Variants in PDS5A observed in about 807,000 individuals in gnomAD.
PDS5A encodes the protein PDS5 cohesin associated factor A.
In PDS5A, 42 loss-of-function variants were observed where a neutral mutation model predicts 167.1. The observed-to-expected ratio is 0.25, with a 90% confidence interval of 0.20 to 0.33. The LOEUF (loss-of-function observed/expected upper bound fraction) is 0.33. PDS5A is among the 10% of genes least tolerant of loss of function. PDS5A has a pLI of 1.00. For missense variants in PDS5A, 1,033 were observed against 1,605.9 expected, an observed-to-expected ratio of 0.64 and a Z score of 6.10; for synonymous variants, 553 against 554.6, an observed-to-expected ratio of 1.00 and a Z score of 0.04.
In PDS5A at chr4:39,841,899, T is replaced by C. The variant is rs562545139; in HGVS notation, c.3657+49A>G. ...AGATTTCTTATCCCTACGGAAAAAC[T>C]GTAATAATCTCCATGGAAAAAATCC... On this transcript the variant is annotated intron_variant, in intron 31 of 32. Transcript: ENST00000303538. 4 of 996,396 alleles carry C rather than the reference T, an allele frequency of 4.0e-6. No homozygotes were observed. In the African/African-American group the frequency reaches 4.8e-5, roughly 12 times the overall value. 61.7% of individuals were successfully genotyped at this position (996,396 alleles called of 1,614,324 possible).
In PDS5A at chr4:39,873,127, C is replaced by T. The variant is rs761492379; in HGVS notation, c.2295G>A (p.Leu765=). Residue 765 remains leucine, a synonymous_variant, in exon 21 of 33, where the codon CTG becomes CTA. Transcript: ENST00000303538. ...TAAGTTGTTCTGGCACATCAGCATT[C>T]AGACTCCTACTGAGTGGCTATAAAA... The part of the protein sequence containing the change: ...AQIFEPLSRS[L]NADVPEQLIT... 1.3e-6 allele frequency: 2 copies of T among 1,512,260 alleles called. No homozygotes were observed. The highest frequency in any genetic ancestry group is 1.8e-6 in the Non-Finnish European group (2 of 1,113,240). The allele number at this position is 1,512,260 out of a possible 1,614,324, so 93.7% of individuals were successfully genotyped here.
chr4:39,961,340 C>T (rs2109807233), intron 2 of PDS5A, among the ~76,000 whole-genome samples: 1 of 151,966 alleles, frequency 6.6e-6, no homozygotes, highest in East Asian at 1.9e-4. Flanking sequence ...GCTATGTCGC[C>T]CAGGCTGAAG....
intron 2 of PDS5A, among the ~76,000 whole-genome samples, chr4:39,971,778 T>C (rs2109827631): frequency 6.6e-6 from 1 of 152,310 alleles, no homozygotes; most frequent in East Asian, 1.9e-4. Context: ...TCTTTGTGTT[T>C]GTACAGCATT....
At chr4:39,854,684 C>T (rs1277086284) in intron 26 of PDS5A, among the ~76,000 whole-genome samples, 2 of 152,198 alleles carry the variant, frequency 1.3e-5, no homozygotes, top group African/African-American at 4.8e-5. Flanking sequence ...ACCTCTTTAT[C>T]TTTCTTCATC....
chr4:39,874,487 T>A, intron 19 of PDS5A, 75 bp from the exon 20 acceptor site: 1 of 1,192,020 alleles, frequency 8.4e-7, no homozygotes, highest in Non-Finnish European at 1.2e-6. Context: ...TGACTTCCAC[T>A]TCCCCTATAT....
chr4:39,893,338 A>G (rs1251324950), intron 16 of PDS5A, among the ~76,000 whole-genome samples: 1 of 152,190 alleles, frequency 6.6e-6, no homozygotes, highest in Non-Finnish European at 1.5e-5. Context: ...CCCCACACAC[A>G]AATACACGTC....
intron 2 of PDS5A, among the ~76,000 whole-genome samples, chr4:39,972,231 GAC>G (rs1730613829): frequency 6.6e-6 from 1 of 152,040 alleles, no homozygotes. Context: ...ATAATATTGA[GAC>G]ACGGTTGGCT....
chr4:39,967,955 A>AT (rs1310435013), intron 2 of PDS5A, among the ~76,000 whole-genome samples: 7 of 152,152 alleles, frequency 4.6e-5, no homozygotes, highest in Non-Finnish European at 1.0e-4. Context: ...AACACCAATA[A>AT]TTATCAAGGC....
intron 2 of PDS5A, among the ~76,000 whole-genome samples, chr4:39,962,557 G>C (rs746870511): frequency 5.3e-5 from 8 of 152,080 alleles, no homozygotes; most frequent in Non-Finnish European, 1.2e-4. Flanking sequence ...TGTAAACCTA[G>C]CACTTTGGGA....
chr4:39,960,695 AT>A (rs71646903), intron 2 of PDS5A, among the ~76,000 whole-genome samples: 275 of 144,758 alleles, frequency 1.9e-3, no homozygotes, highest in Middle Eastern at 3.6e-3. Flanking sequence ...TACAAAGCTA[AT>A]TTTTTTTTTT....
intron 17 of PDS5A, among the ~76,000 whole-genome samples, chr4:39,881,486 A>G (rs1720923746): frequency 1.3e-5 from 2 of 152,128 alleles, no homozygotes; most frequent in African/African-American, 2.4e-5. Context: ...AAAATTCATT[A>G]TCTTCAGTTA....
At chr4:39,906,830 T>C (rs1041635838) in intron 11 of PDS5A, among the ~76,000 whole-genome samples, 3 of 151,444 alleles carry the variant, frequency 2.0e-5, no homozygotes, top group Admixed American at 2.0e-4. Context: ...TTTGTATCAT[T>C]TTCTCATTTT....
chr4:39,922,550 AAAC>A (rs1041777313), intron 6 of PDS5A, 69 bp downstream of exon 6: 2 of 1,311,222 alleles, frequency 1.5e-6, no homozygotes, highest in African/African-American at 3.0e-5. Flanking sequence ...AATGGCCATA[AAAC>A]AACTGTTCAT....
chr4:39,884,633 C>T (rs1182522209), intron 17 of PDS5A, among the ~76,000 whole-genome samples: 1 of 152,044 alleles, frequency 6.6e-6, no homozygotes, highest in Non-Finnish European at 1.5e-5. Flanking sequence ...TCTGACCCCT[C>T]CTTAGCCCCT....
At chr4:39,877,192 G>A in intron 18 of PDS5A, 39 bp from the exon 19 acceptor site, 2 of 1,293,338 alleles carry the variant, frequency 1.5e-6, no homozygotes, top group African/African-American at 1.5e-5. Flanking sequence ...ACAGACAATG[G>A]TTTTAATCCA....
intron 5 of PDS5A, among the ~76,000 whole-genome samples, chr4:39,923,826 A>C (rs1725234508): frequency 6.6e-6 from 1 of 152,160 alleles, no homozygotes; most frequent in Admixed American, 6.5e-5. Context: ...TCCTCAAACT[A>C]AGATAAAAAC....
At chr4:39,973,851 C>A (rs763994888) in intron 2 of PDS5A, 15 of 929,278 alleles carry the variant, frequency 1.6e-5, no homozygotes, top group Non-Finnish European at 2.3e-5. Context: ...CAAGACCGGG[C>A]GCGGTGGCTC....
chr4:39,853,015 G>T (rs1718241959), intron 26 of PDS5A, among the ~76,000 whole-genome samples: 2 of 152,140 alleles, frequency 1.3e-5, no homozygotes, highest in South Asian at 2.1e-4. Flanking sequence ...CTGGGCTCAA[G>T]CAACGCTCCT....
At chr4:39,927,264 A>G (rs1725559693) in intron 3 of PDS5A, among the ~76,000 whole-genome samples, 1 of 152,140 alleles carries the variant, frequency 6.6e-6, no homozygotes, top group Admixed American at 6.5e-5. Flanking sequence ...TTTTTAGCCA[A>G]TGTTTTGAAG....
Sources: allele counts gnomAD v4.1 joint callset (sites outside exome capture counted in the v4.1 genomes callset), GRCh38; gene constraint gnomAD v4.1.1; transcripts MANE v1.5; gene names NCBI Gene and HGNC (gene_info 2026-07-23, HGNC 2026-07-21).